Variants in MIER1 observed in about 807,000 individuals in gnomAD.
MIER1 encodes mesoderm induction early response protein 1.
In MIER1, 40 loss-of-function variants were observed where a neutral mutation model predicts 75.7. That is an observed-to-expected ratio of 0.53 (90% CI 0.41 to 0.69). The LOEUF (loss-of-function observed/expected upper bound fraction) is 0.69. MIER1 is among the 30% of genes least tolerant of loss of function. The pLI is 0.00. For synonymous variants in MIER1, 213 were observed against 223.4 expected, an observed-to-expected ratio of 0.95 and a Z score of 0.42; for missense variants, 574 against 680.2, an observed-to-expected ratio of 0.84 and a Z score of 1.74.
At chr1:66,942,481 C>G (rs1262844381) in intron 3 of MIER1, among the ~76,000 whole-genome samples, 2 of 152,164 alleles carry the variant, frequency 1.3e-5, no homozygotes, top group Non-Finnish European at 2.9e-5. Context: ...GGTACCTTTT[C>G]TGCAGTAGGA....
At chr1:66,925,275 G>A (rs1651262909) in intron 1 of MIER1, 180 bp downstream of exon 1, 1 of 984,182 alleles carries the variant, frequency 1.0e-6, no homozygotes, top group Middle Eastern at 5.2e-4. Flanking sequence ...CTCTCCGCCG[G>A]CTGCCAAAGG....
At position 66,986,273 on chromosome 1, in the gene MIER1, A is replaced by G; in HGVS notation, c.*1373A>G. ...TACAGATAGGATTATCCATCTGCAT[A>G]GCCTTGTAAAAGTGCCATTTTATTT... On this transcript the variant is annotated 3_prime_UTR_variant, in exon 14 of 14. Transcript: ENST00000401041. 2 of 1,437,576 alleles carry G rather than the reference A, an allele frequency of 1.4e-6. No homozygotes were observed. Among genetic ancestry groups the G allele is most frequent in the Admixed American group, 5.4e-5 (2 of 36,972 alleles). 89.1% of individuals were successfully genotyped at this position (1,437,576 alleles called of 1,614,324 possible).
At chr1:66,949,555 C>T in intron 4 of MIER1, among the ~76,000 whole-genome samples, 1 of 152,212 alleles carries the variant, frequency 6.6e-6, no homozygotes, top group East Asian at 1.9e-4. Flanking sequence ...TCTTCTCTGA[C>T]TTCTCCCAGA....
chr1:66,961,115 A>G (rs1661172930), intron 7 of MIER1, among the ~76,000 whole-genome samples: 1 of 152,210 alleles, frequency 6.6e-6, no homozygotes, highest in Admixed American at 6.5e-5. Context: ...CTTTCTCAGA[A>G]AAAAATTATG....
intron 9 of MIER1, 143 bp from the exon 10 acceptor site, chr1:66,971,512 G>T: frequency 2.1e-6 from 1 of 478,008 alleles, no homozygotes. Context: ...GTTTTTCTTT[G>T]GAGTTCTCTA....
chr1:66,975,008 T>C (rs1291459166), intron 11 of MIER1, among the ~76,000 whole-genome samples: 1 of 152,010 alleles, frequency 6.6e-6, no homozygotes, highest in Non-Finnish European at 1.5e-5. Flanking sequence ...GAGAGGATGA[T>C]TTTTTTTAAA....
rs537153160 is a variant in MIER1 at position 66,985,725 on chromosome 1, G to A, written c.*825G>A. The stretch of plus-strand genomic sequence containing the variant: ...GTCAGCTTTCATTTTATTTTGCTAA[G>A]GTTTTTCTAATGAATTTTTAAGTGT... On this transcript the variant is annotated 3_prime_UTR_variant, in exon 14 of 14. Coordinates refer to ENST00000401041, the MANE Select transcript of MIER1 (RefSeq NM_001077700.3). The A allele has an allele frequency of 2.9e-5, 29 of 983,386 alleles. No homozygotes were observed. In the African/African-American group the frequency reaches 4.6e-4, roughly 15 times the overall value. The allele number at this position is 983,386 out of a possible 1,614,324, so 60.9% of individuals were successfully genotyped here.
At chr1:66,963,825 T>G (rs1661755525) in intron 8 of MIER1, among the ~76,000 whole-genome samples, 1 of 151,798 alleles carries the variant, frequency 6.6e-6, no homozygotes, top group Admixed American at 6.6e-5. Context: ...GGAGAATCAC[T>G]TGAACCCAGG....
chr1:66,958,857 A>T lies in MIER1; in HGVS notation c.508A>T (p.Asn170Tyr). ...TTAATTTATTATTCCACAGGAGGAG[A>T]ATATAAAGGATTCATCAGGTCAGGA... Reference protein sequence around the residue: ...SGCSGENKEENIKDSSGQEDE... With the variant: ...SGCSGENKEEYIKDSSGQEDE... The change falls in exon 6 of 14, where the codon AAT becomes TAT. Residue 170 changes from asparagine (N) to tyrosine (Y), a missense_variant. Asn to Tyr is a moderately radical substitution (Grantham distance 143). Coordinates refer to ENST00000401041, the MANE Select transcript of MIER1 (RefSeq NM_001077700.3). 1 of 1,605,686 alleles carries T rather than the reference A, an allele frequency of 6.2e-7. No homozygotes were observed. Among genetic ancestry groups the T allele is most frequent in the Middle Eastern group, 1.7e-4 (1 of 6,032 alleles).
At chr1:66,934,514 T>TC (rs1654270119) in intron 2 of MIER1, among the ~76,000 whole-genome samples, 1 of 148,728 alleles carries the variant, frequency 6.7e-6, no homozygotes, top group Admixed American at 6.8e-5. Context: ...AGGTGATCAA[T>TC]CCTTCCCTCA....
At chr1:66,940,688 G>C (rs552332932) in intron 3 of MIER1, among the ~76,000 whole-genome samples, 1 of 152,060 alleles carries the variant, frequency 6.6e-6, no homozygotes, top group East Asian at 1.9e-4. Flanking sequence ...ACAAATTTTT[G>C]TTTGGCCACT....
chr1:66,954,215 A>T (rs1659616756), intron 4 of MIER1, among the ~76,000 whole-genome samples: 1 of 152,148 alleles, frequency 6.6e-6, no homozygotes, highest in Non-Finnish European at 1.5e-5. Context: ...AAGCAAACTA[A>T]ATCTTCCCCT....
At chr1:66,978,856 A>G (rs778355350) in intron 12 of MIER1, among the ~76,000 whole-genome samples, 1 of 152,146 alleles carries the variant, frequency 6.6e-6, no homozygotes, top group Non-Finnish European at 1.5e-5. Flanking sequence ...TGTGCCACCA[A>G]ATGTTCTAAT....
At chr1:66,956,833 A>G (rs1048632844) in intron 4 of MIER1, among the ~76,000 whole-genome samples, 10 of 152,266 alleles carry the variant, frequency 6.6e-5, no homozygotes, top group Non-Finnish European at 1.5e-4. Context: ...TCTTCCTAAG[A>G]AAATCTTTTC....
chr1:66,946,593 CAT>C, intron 4 of MIER1: 2 of 1,041,830 alleles, frequency 1.9e-6, no homozygotes, highest in East Asian at 1.6e-4. Context: ...TACACGGCCT[CAT>C]ATATCCTTTG....
At chr1:66,929,949 G>C (rs921623103) in intron 2 of MIER1, among the ~76,000 whole-genome samples, 9 of 152,218 alleles carry the variant, frequency 5.9e-5, no homozygotes, top group Non-Finnish European at 1.3e-4. Flanking sequence ...TTCCTCTGCT[G>C]TGTCAATGCT....
At chr1:66,930,116 G>T in intron 2 of MIER1, 2 of 932,786 alleles carry the variant, frequency 2.1e-6, no homozygotes. Flanking sequence ...GCTCTTCCCG[G>T]GGAGGGCTGG....
At chr1:66,958,523 G>A (rs1660623248) in intron 5 of MIER1, among the ~76,000 whole-genome samples, 1 of 151,880 alleles carries the variant, frequency 6.6e-6, no homozygotes, top group Non-Finnish European at 1.5e-5. Context: ...GGCAGTTTGT[G>A]TTTATTTTTC....
chr1:66,956,412 T>C (rs1272447817), intron 4 of MIER1, among the ~76,000 whole-genome samples: 1 of 152,146 alleles, frequency 6.6e-6, no homozygotes. Context: ...AGATCCTGTC[T>C]CAAAAAATAA....
Sources: gnomAD v4.1 joint callset for allele counts (sites outside exome capture counted in the v4.1 genomes callset) on GRCh38, gnomAD v4.1.1 for gene constraint, MANE v1.5 for transcripts, NCBI Gene and HGNC (gene_info 2026-07-23, HGNC 2026-07-21) for gene names.